GRIP1: variants seen among roughly 807,000 people sequenced by gnomAD.
The protein encoded by GRIP1 is glutamate receptor interacting protein 1, also known as glutamate receptor-interacting protein 1.
Under a neutral mutation model 129.9 loss-of-function variants are expected in GRIP1, and 45 were observed. That is an observed-to-expected ratio of 0.35 (90% confidence interval 0.27 to 0.44). The LOEUF (loss-of-function observed/expected upper bound fraction) is 0.44, where lower values mean the gene tolerates loss of function less well. Among genes scored for constraint, GRIP1 ranks in the 20% least tolerant of loss-of-function variants. The pLI is 1.00. For synonymous variants in GRIP1, 530 were observed against 520.8 expected, an observed-to-expected ratio of 1.02 and a Z score of -0.24; for missense variants, 1,196 against 1,396.8, an observed-to-expected ratio of 0.86 and a Z score of 2.29.
At chr12:66,796,178 T>C (rs2038692066) in intron 1 of GRIP1, among the ~76,000 whole-genome samples, 1 of 152,092 alleles carries the variant, frequency 6.6e-6, no homozygotes, top group Non-Finnish European at 1.5e-5. Context: ...AAATAAAGGT[T>C]TTCTCCAGTA....
intron 3 of GRIP1, among the ~76,000 whole-genome samples, chr12:66,540,019 C>T (rs1292804310): frequency 4.6e-5 from 7 of 152,118 alleles, no homozygotes. Flanking sequence ...TATATAAATC[C>T]AGCTCCAATC....
At chr12:66,434,902 T>C (rs897416687) in intron 13 of GRIP1, among the ~76,000 whole-genome samples, 4 of 152,222 alleles carry the variant, frequency 2.6e-5, no homozygotes, top group African/African-American at 9.6e-5. Flanking sequence ...TGACAGCCAT[T>C]GAAGTCAGGT....
At chr12:66,605,581 C>G (rs1467042518) in intron 1 of GRIP1, among the ~76,000 whole-genome samples, 6 of 152,072 alleles carry the variant, frequency 3.9e-5, no homozygotes, top group Non-Finnish European at 7.4e-5. Flanking sequence ...CGGAGCATTC[C>G]TGTGTATGTT....
intron 1 of GRIP1, among the ~76,000 whole-genome samples, chr12:66,899,539 A>AT (rs531976727): frequency 5.5e-4 from 84 of 151,640 alleles, no homozygotes; most frequent in South Asian, 2.3e-3. Context: ...TTTTTTTTTA[A>AT]TTTTTTATAG....
At chr12:66,863,655 G>A (rs12319870) in intron 1 of GRIP1, among the ~76,000 whole-genome samples, 25,081 of 151,972 alleles carry the variant, frequency 0.17, 2,314 homozygotes, top group East Asian at 0.42. Flanking sequence ...GTGCACCAGT[G>A]GCAATAAGGA....
At position 66,527,231 on chromosome 12, in the gene GRIP1, G is replaced by C. The variant is rs548150980; in HGVS notation, c.502+2600C>G. 2.0e-5 allele frequency among the ~76,000 whole-genome samples: 3 copies of C among 151,066 alleles called. No homozygotes were observed. The East Asian group carries it at 5.8e-4, about 29-fold the overall frequency. On this transcript the variant is annotated intron_variant, in intron 5 of 24. Coordinates refer to ENST00000359742, the MANE Select transcript of GRIP1 (RefSeq NM_001366722.1). Reference sequence around the variant, plus strand: ...GCTATAAAGACACATGCACACGTATGTTTATTGCGGCACTATTCACGATAG... The same window carrying C: ...GCTATAAAGACACATGCACACGTATCTTTATTGCGGCACTATTCACGATAG...
At chr12:66,350,049 C>A (rs991012059) in intron 24 of GRIP1, among the ~76,000 whole-genome samples, 2 of 152,006 alleles carry the variant, frequency 1.3e-5, no homozygotes, top group African/African-American at 2.4e-5. Context: ...GAGTTTGCAT[C>A]CTCCTTGGCG....
At chr12:67,028,390 T>C (rs2042970338) in intron 1 of GRIP1, among the ~76,000 whole-genome samples, 1 of 152,204 alleles carries the variant, frequency 6.6e-6, no homozygotes, top group Non-Finnish European at 1.5e-5. Flanking sequence ...TTTAAATAGA[T>C]GTATTTTTAG....
intron 1 of GRIP1, among the ~76,000 whole-genome samples, chr12:66,857,228 T>TG (rs1263082887): frequency 7.8e-5 from 8 of 102,118 alleles, no homozygotes; most frequent in Non-Finnish European, 1.6e-4. Flanking sequence ...TGTTGTGGGG[T>TG]GGGGGGAAGG....
chr12:66,626,149 A>G (rs1253123569), intron 1 of GRIP1, among the ~76,000 whole-genome samples: 6 of 151,600 alleles, frequency 4.0e-5, no homozygotes, highest in Admixed American at 2.0e-4. Flanking sequence ...ACTTGGTGAA[A>G]CCCCCATCTC....
intron 1 of GRIP1, among the ~76,000 whole-genome samples, chr12:66,792,068 G>T (rs907759202): frequency 1.3e-5 from 2 of 152,080 alleles, no homozygotes; most frequent in Non-Finnish European, 2.9e-5. Context: ...AACTTTTGAG[G>T]AGAAAAATAG....
intron 23 of GRIP1, among the ~76,000 whole-genome samples, chr12:66,363,200 C>CATATATATATATATATATATATAT (rs35452357): frequency 5.7e-5 from 5 of 88,252 alleles, no homozygotes; most frequent in South Asian, 3.8e-4. Flanking sequence ...TGTGTGTGTC[C>CATATATATATATATATATATATAT]ATATATATAT....
At chr12:66,659,179 T>C (rs538836355) in intron 1 of GRIP1, among the ~76,000 whole-genome samples, 6 of 152,338 alleles carry the variant, frequency 3.9e-5, no homozygotes, top group Admixed American at 1.3e-4. Flanking sequence ...TCAGAGGCTG[T>C]TCCTGACTAC....
At chr12:66,539,047 C>A in intron 4 of GRIP1, 31 bp downstream of exon 4, 1 of 1,591,964 alleles carries the variant, frequency 6.3e-7, no homozygotes. Context: ...GGAATGTATC[C>A]CCTATGGATA....
At chr12:66,423,087 C>T (rs1215206158) in intron 14 of GRIP1, among the ~76,000 whole-genome samples, 1 of 152,140 alleles carries the variant, frequency 6.6e-6, no homozygotes, top group African/African-American at 2.4e-5. Flanking sequence ...TATATAGATA[C>T]ATGGCTTCTT....
chr12:66,586,238 T>G (rs1167411503), intron 2 of GRIP1, among the ~76,000 whole-genome samples: 1 of 152,162 alleles, frequency 6.6e-6, no homozygotes, highest in Middle Eastern at 3.2e-3. Flanking sequence ...TCACCAAACC[T>G]CTCTTCTTAT....
At chr12:66,850,792 C>T (rs1037957901) in intron 1 of GRIP1, among the ~76,000 whole-genome samples, 2 of 151,800 alleles carry the variant, frequency 1.3e-5, no homozygotes, top group Non-Finnish European at 2.9e-5. Flanking sequence ...ACCACATACA[C>T]ACACGGCTAA....
chr12:66,438,392 G>A (rs1042496030), intron 13 of GRIP1, among the ~76,000 whole-genome samples: 3 of 152,054 alleles, frequency 2.0e-5, no homozygotes, highest in East Asian at 1.9e-4. Flanking sequence ...GAACCCCAGA[G>A]AAACAGTAGG....
chr12:66,730,728 C>T lies in GRIP1; in HGVS notation c.-420+73325G>A, dbSNP rs528783942. 5.6e-4 allele frequency among the ~76,000 whole-genome samples: 78 copies of T among 138,198 alleles called. 1 individual carries two copies. The South Asian group carries it at 0.018, about 31-fold the overall frequency. The allele number at this position is 138,198 out of a possible 152,430, so 90.7% of individuals were successfully genotyped here. On this transcript the variant is annotated intron_variant, in intron 1 of 4. Transcript: ENST00000538373. ...AAAAAAAAAAAAAAAAAAACTCATA[C>T]ATGGTATTTCCCATGCCCAGTGTGC...
Sources: gnomAD v4.1 joint callset for allele counts (sites outside exome capture counted in the v4.1 genomes callset) on GRCh38, gnomAD v4.1.1 for gene constraint, MANE v1.5 for transcripts, NCBI Gene and HGNC (gene_info 2026-07-23, HGNC 2026-07-21) for gene names.